Variants in AGMO observed in about 807,000 individuals in gnomAD.
AGMO encodes glyceryl-ether monooxygenase.
In AGMO, 75 loss-of-function variants were observed where a neutral mutation model predicts 60.2. The ratio of observed to expected loss-of-function variants is 1.25; its 90% CI spans 1.03 to 1.51. The LOEUF (loss-of-function observed/expected upper bound fraction) is 1.51. Ranked by LOEUF, AGMO falls within the 40% of genes most tolerant of loss-of-function variation. The pLI, the probability that AGMO is intolerant of heterozygous loss-of-function variation, is 0.00. For synonymous variants in AGMO, 261 were observed against 177.1 expected, an observed-to-expected ratio of 1.47 and a Z score of -3.76; for missense variants, 763 against 525.5, an observed-to-expected ratio of 1.45 and a Z score of -4.42.
chr7:15,173,978 G>T, the AGMO span, among the ~76,000 whole-genome samples: 2 of 151,696 alleles, frequency 1.3e-5, no homozygotes, highest in African/African-American at 4.8e-5. Flanking sequence ...TAAACTTTAA[G>T]ATGACATGAA....
intron 12 of AGMO, among the ~76,000 whole-genome samples, chr7:15,317,949 A>C (rs1780986653): frequency 6.8e-6 from 1 of 148,052 alleles, no homozygotes; most frequent in Non-Finnish European, 1.5e-5. Flanking sequence ...ATACACACAC[A>C]CACACTATAT....
intron 3 of AGMO, among the ~76,000 whole-genome samples, chr7:15,538,897 G>A (rs372513372): frequency 2.0e-5 from 3 of 152,070 alleles, no homozygotes; most frequent in Non-Finnish European, 4.4e-5. Context: ...TCACTACCTT[G>A]TTTACATACA....
chr7:15,319,636 T>C (rs897957449), intron 12 of AGMO, among the ~76,000 whole-genome samples: 1 of 152,114 alleles, frequency 6.6e-6, no homozygotes, highest in Non-Finnish European at 1.5e-5. Context: ...CTCAAACTTA[T>C]TTCCATGAAT....
intron 8 of AGMO, among the ~76,000 whole-genome samples, chr7:15,388,418 C>A (rs886204278): frequency 7.2e-5 from 11 of 151,992 alleles, no homozygotes; most frequent in African/African-American, 2.7e-4. Context: ...TCGCCTGGGG[C>A]TTTGCAATAA....
intron 3 of AGMO, among the ~76,000 whole-genome samples, chr7:15,453,641 A>T (rs1245544641): frequency 6.6e-6 from 1 of 152,216 alleles, no homozygotes; most frequent in Non-Finnish European, 1.5e-5. Context: ...GGAAAATACC[A>T]AAGTCAGAAA....
chr7:15,547,468 C>A (rs1033494180), intron 2 of AGMO, among the ~76,000 whole-genome samples: 2 of 151,984 alleles, frequency 1.3e-5, no homozygotes, highest in South Asian at 2.1e-4. Context: ...GCGCACCGTG[C>A]GCGAGCCGAA....
intron 12 of AGMO, among the ~76,000 whole-genome samples, chr7:15,296,344 T>C (rs957250112): frequency 6.6e-6 from 1 of 152,190 alleles, no homozygotes; most frequent in African/African-American, 2.4e-5. Context: ...ACTGGGAACA[T>C]ATGAAAGGAT....
chr7:15,518,251 G>C (rs1007776189), intron 3 of AGMO, among the ~76,000 whole-genome samples: 4 of 152,160 alleles, frequency 2.6e-5, no homozygotes, highest in Non-Finnish European at 5.9e-5. Flanking sequence ...AGCTTCAACA[G>C]ACTTAAACAT....
intron 3 of AGMO, among the ~76,000 whole-genome samples, chr7:15,523,915 T>A (rs964117743): frequency 2.6e-5 from 4 of 152,178 alleles, no homozygotes; most frequent in African/African-American, 9.7e-5. Context: ...ATGGTCATAG[T>A]AAGGTTGAGG....
At chr7:15,240,693 T>C (rs1782563796) in intron 12 of AGMO, among the ~76,000 whole-genome samples, 1 of 152,184 alleles carries the variant, frequency 6.6e-6, no homozygotes, top group South Asian at 2.1e-4. Context: ...AGATACTGCC[T>C]GTTTAAAATT....
chr7:15,383,259 T>C (rs1237772846), intron 10 of AGMO, among the ~76,000 whole-genome samples: 2 of 152,122 alleles, frequency 1.3e-5, no homozygotes, highest in African/African-American at 2.4e-5. Flanking sequence ...TACAGGAGAA[T>C]TTGCACTCAG....
At chr7:15,265,386 T>A (rs970729116) in intron 12 of AGMO, among the ~76,000 whole-genome samples, 1 of 151,930 alleles carries the variant, frequency 6.6e-6, no homozygotes, top group Non-Finnish European at 1.5e-5. Flanking sequence ...AGCCTCAGCA[T>A]CACGCAGTAT....
chr7:15,225,024 G>C (rs185161520), intron 12 of AGMO, among the ~76,000 whole-genome samples: 96 of 151,950 alleles, frequency 6.3e-4, no homozygotes, highest in African/African-American at 2.0e-3. Context: ...GGAAGAGTTT[G>C]GGGAGACATC....
chr7:15,284,550 A>G (rs1373632373), intron 12 of AGMO, among the ~76,000 whole-genome samples: 1 of 152,026 alleles, frequency 6.6e-6, no homozygotes, highest in Non-Finnish European at 1.5e-5. Flanking sequence ...ACACACCAAT[A>G]ACAACCAGCA....
the AGMO span, among the ~76,000 whole-genome samples, chr7:15,132,385 A>G: frequency 3.3e-5 from 5 of 152,146 alleles, no homozygotes; most frequent in African/African-American, 1.2e-4. Context: ...TGCTATAAGG[A>G]CAACAGAAAA....
chr7:15,212,574 C>T (rs1382627149), intron 12 of AGMO, among the ~76,000 whole-genome samples: 3 of 151,842 alleles, frequency 2.0e-5, no homozygotes, highest in African/African-American at 4.8e-5. Flanking sequence ...TGAGATCAAT[C>T]CCAGGACTAT....
At chr7:15,220,728 A>T (rs1042988550) in intron 12 of AGMO, among the ~76,000 whole-genome samples, 3 of 152,062 alleles carry the variant, frequency 2.0e-5, no homozygotes, top group Non-Finnish European at 4.4e-5. Context: ...TTTAGAACCG[A>T]TTGTAAAACC....
the AGMO span, among the ~76,000 whole-genome samples, chr7:15,186,875 T>G: frequency 6.6e-6 from 1 of 152,140 alleles, no homozygotes; most frequent in Non-Finnish European, 1.5e-5. Flanking sequence ...TTCCCTAATG[T>G]GTCCGTAGAC....
intron 12 of AGMO, among the ~76,000 whole-genome samples, chr7:15,234,889 C>T (rs890286169): frequency 6.6e-6 from 1 of 152,094 alleles, no homozygotes; most frequent in African/African-American, 2.4e-5. Flanking sequence ...AAACAAAAGA[C>T]ATGCTACAGA....
Sources: gnomAD v4.1 joint callset for allele counts (sites outside exome capture counted in the v4.1 genomes callset) on GRCh38, gnomAD v4.1.1 for gene constraint, MANE v1.5 for transcripts, NCBI Gene and HGNC (gene_info 2026-07-23, HGNC 2026-07-21) for gene names.